The following KDM2B variants were observed in gnomAD, a reference collection of about 807,000 sequenced individuals.
KDM2B encodes the protein lysine-specific demethylase 2B.
A neutral mutation model predicts 150.0 loss-of-function variants in KDM2B; 26 were observed. That is an observed-to-expected ratio of 0.17 (90% CI 0.13 to 0.24). KDM2B has a LOEUF of 0.24. Ranked by LOEUF, KDM2B falls within the 10% of genes least tolerant of loss-of-function variation. The pLI is 1.00. For synonymous variants in KDM2B, 734 were observed against 729.5 expected (o/e 1.01, Z -0.10); for missense variants, 1,265 against 1,816.9 (o/e 0.70, Z 5.52).
At chr12:121,420,405 A>C in the KDM2B span, 1 of 1,550,280 alleles carries the variant, frequency 6.5e-7, no homozygotes, top group African/African-American at 1.4e-5. Flanking sequence ...CCCTGTGGAC[A>C]TTCGCTAGAT....
At chr12:121,536,962 G>A (rs1555308847) in intron 6 of KDM2B, among the ~76,000 whole-genome samples, 1 of 152,226 alleles carries the variant, frequency 6.6e-6, no homozygotes, top group African/African-American at 2.4e-5. Context: ...GCTGCAAGCT[G>A]GCTGCAGTGT....
chr12:121,578,953 G>A lies in KDM2B; in HGVS notation c.127-7C>T. ...GCTGGCGGTCAATCGGGCGCTGCGA[G>A]GACCCAAACCAGAGAGCCCGGGACA... On this transcript the variant is annotated splice_region_variant and splice_polypyrimidine_tract_variant and intron_variant, in intron 1 of 22. Coordinates refer to ENST00000377071, the MANE Select transcript of KDM2B (RefSeq NM_032590.5). The A allele has an allele frequency of 3.1e-6, 5 of 1,610,668 alleles. No individual in the cohort carries two copies. Among genetic ancestry groups the A allele is most frequent in the Non-Finnish European group, 4.2e-6 (5 of 1,178,976 alleles).
intron 22 of KDM2B, among the ~76,000 whole-genome samples, chr12:121,437,645 G>A (rs1284729850): frequency 1.3e-5 from 2 of 152,192 alleles, no homozygotes; most frequent in African/African-American, 4.8e-5. Flanking sequence ...TGGGGTAAAG[G>A]GAAAGGCAGG....
the KDM2B span, chr12:121,423,440 G>A: frequency 6.2e-7 from 1 of 1,613,148 alleles, no homozygotes; most frequent in Non-Finnish European, 8.5e-7. This position sits in a 1 kb window ranked among gnomAD's most constrained non-coding sequence, Gnocchi z 4.3. Context: ...TGTCGCATCT[G>A]CATGGATGCC....
chr12:121,512,060 G>A (rs1015806599), intron 10 of KDM2B, among the ~76,000 whole-genome samples: 45 of 152,042 alleles, frequency 3.0e-4, no homozygotes, highest in African/African-American at 1.1e-3. Context: ...ACCAACCCTC[G>A]GCCTTCTGGC....
At chr12:121,525,336 G>A (rs561513533) in intron 8 of KDM2B, among the ~76,000 whole-genome samples, 22 of 151,996 alleles carry the variant, frequency 1.4e-4, no homozygotes, top group African/African-American at 5.1e-4. Context: ...GTGCCATCTC[G>A]GCTCACTGCA....
Position 121,445,397 on chromosome 12 carries a change from C to CG in KDM2B, c.1980dup (p.Val661ArgfsTer22). The CG allele has an allele frequency of 6.2e-7, 1 of 1,605,356 alleles. No individual in the cohort carries two copies. The highest frequency in any genetic ancestry group is 1.7e-5 in the Admixed American group (1 of 59,000). ...CCCGCCTCGCCACACACAAGGCACA[C>CG]GGCGGTGTGGGGCAGCACTGGCTGA... On this transcript the variant is annotated frameshift_variant, in exon 14 of 23. Transcript: ENST00000377071. LOFTEE classifies it high-confidence loss of function.
chr12:121,442,872 G>A lies in KDM2B; in HGVS notation c.2605-36C>T. On this transcript the variant is annotated intron_variant, in intron 18 of 22. Transcript: ENST00000377071. The surrounding 1 kb of genome is among the most constrained non-coding windows in gnomAD (Gnocchi z 7.7). ...GAGCGGAGACGCGTCAGCCTCTGGGGCTCAGGGCTGCGCCCGCCCAAGGCC... is the reference window on the plus strand; with the variant it reads ...GAGCGGAGACGCGTCAGCCTCTGGGACTCAGGGCTGCGCCCGCCCAAGGCC... 1 of 1,527,884 alleles carries A rather than the reference G, an allele frequency of 6.5e-7. No homozygotes were observed. The highest frequency in any genetic ancestry group is 1.4e-5 in the African/African-American group (1 of 71,912). The allele number at this position is 1,527,884 out of a possible 1,614,324, so 94.6% of individuals were successfully genotyped here.
At chr12:121,484,411 T>C (rs1882519500) in intron 12 of KDM2B, among the ~76,000 whole-genome samples, 1 of 151,756 alleles carries the variant, frequency 6.6e-6, no homozygotes, top group South Asian at 2.1e-4. Flanking sequence ...ATGGAGGAAT[T>C]TGGTTCCCCA....
chr12:121,540,754 CAAAAAAAAAAAAA>C (rs60199948), intron 6 of KDM2B, among the ~76,000 whole-genome samples: 1 of 64,500 alleles, frequency 1.6e-5, no homozygotes, highest in African/African-American at 7.5e-5. Flanking sequence ...GACTCTGTCT[CAAAAAAAAAAAAA>C]AAAAAAAAAA....
intron 12 of KDM2B, among the ~76,000 whole-genome samples, chr12:121,474,240 A>G (rs12300459): frequency 0.077 from 11,655 of 152,244 alleles, 619 homozygotes; most frequent in South Asian, 0.22. Flanking sequence ...ACGGCCGGGC[A>G]CGGTGGCTCA....
rs572286302 is a variant in KDM2B at position 121,451,126 on chromosome 12, T to A, written c.1959+1994A>T. Among the ~76,000 whole-genome samples, 10 of 151,886 alleles carry A rather than the reference T, an allele frequency of 6.6e-5. No individual in the cohort carries two copies. The South Asian group carries it at 1.9e-3, about 29-fold the overall frequency. On this transcript the variant is annotated intron_variant, in intron 13 of 22. Coordinates refer to ENST00000377071, the MANE Select transcript of KDM2B (RefSeq NM_032590.5). ...TCTCCTGCCCCCCCCTTCTACCTCC[T>A]CCATCTCTTCTGCCTCTGCCACCTC...
In KDM2B at chr12:121,575,639, A is replaced by T; in HGVS notation, c.350+142T>A. 1 of 683,150 alleles carries T rather than the reference A, an allele frequency of 1.5e-6. No homozygotes were observed. Among genetic ancestry groups the T allele is most frequent in the Non-Finnish European group, 2.6e-6 (1 of 380,172 alleles). 42.3% of individuals were successfully genotyped at this position (683,150 alleles called of 1,614,324 possible). A position where few individuals can be genotyped will look rare whatever the true frequency, so the allele number is the denominator to read the frequency against. On this transcript the variant is annotated intron_variant, in intron 3 of 22. Coordinates refer to ENST00000377071, the MANE Select transcript of KDM2B (RefSeq NM_032590.5). The surrounding 1 kb of genome is among the most constrained non-coding windows in gnomAD (Gnocchi z 4.4). ...GTTTCCCCTTTGTCAGGCCTTGAAC[A>T]AGGAGATGCTGTTCCCAGATCGTGA...
At position 121,549,421 on chromosome 12, in the gene KDM2B, G is replaced by A. The variant is rs149739149; in HGVS notation, c.576+39C>T. 1.4e-4 allele frequency: 211 copies of A among 1,532,538 alleles called. 5 individuals are homozygous for A. The East Asian group carries it at 4.0e-3, about 29-fold the overall frequency. 94.9% of individuals were successfully genotyped at this position (1,532,538 alleles called of 1,614,324 possible). ...AGGGGGACAGGGAAGGAGATGAGGTGGAAGGTATCTGGGGAGGGTACCTGG... is the reference window on the plus strand; with the variant it reads ...AGGGGGACAGGGAAGGAGATGAGGTAGAAGGTATCTGGGGAGGGTACCTGG... On this transcript the variant is annotated intron_variant, in intron 5 of 22. Transcript: ENST00000377071. The surrounding 1 kb of genome is among the most constrained non-coding windows in gnomAD (Gnocchi z 4.4).
chr12:121,531,025 A>G (rs1887624080), intron 8 of KDM2B, among the ~76,000 whole-genome samples: 1 of 152,146 alleles, frequency 6.6e-6, no homozygotes, highest in Non-Finnish European at 1.5e-5. Context: ...AGAGCCTTCC[A>G]GTCATCCTTT....
In KDM2B at chr12:121,554,033, C is replaced by CACACACA. The variant is rs1889709619; in HGVS notation, c.398-4396_398-4395insTGTGTGT. On this transcript the variant is annotated intron_variant, in intron 4 of 22. Transcript: ENST00000377071. ...TGGGTAATATAGTGACACCCCAGCT[C>CACACACA]CACACACACACACACACACACACAC... Among the ~76,000 whole-genome samples the CACACACA allele has an allele frequency of 3.3e-5, 4 of 122,064 alleles. No homozygotes were observed. In the Admixed American group the frequency reaches 3.6e-4, roughly 11 times the overall value. The allele number at this position is 122,064 out of a possible 152,430, so 80.1% of individuals were successfully genotyped here.
intron 1 of KDM2B, chr12:121,579,881 T>C: frequency 2.1e-6 from 3 of 1,441,976 alleles, no homozygotes; most frequent in Non-Finnish European, 1.9e-6. Context: ...CAATTTATTA[T>C]ATTTTTTTCC....
intron 12 of KDM2B, among the ~76,000 whole-genome samples, chr12:121,474,254 C>A (rs538026190): frequency 1.3e-5 from 2 of 152,200 alleles, no homozygotes; most frequent in African/African-American, 2.4e-5. Flanking sequence ...TGGCTCACAC[C>A]TGTAATCCCA....
rs1555308921 is a variant in KDM2B at position 121,537,366 on chromosome 12, G to C, written c.684-2776C>G. 2.0e-5 allele frequency: 3 copies of C among 152,756 alleles called. No homozygotes were observed. Among genetic ancestry groups the C allele is most frequent in the Middle Eastern group, 3.2e-3 (1 of 316 alleles). The allele number at this position is 152,756 out of a possible 1,614,324, so 9.5% of individuals were successfully genotyped here. A position where few individuals can be genotyped will look rare whatever the true frequency, so the allele number is the denominator to read the frequency against. On this transcript the variant is annotated intron_variant, in intron 6 of 22. Transcript: ENST00000377071. The surrounding 1 kb of genome is among the most constrained non-coding windows in gnomAD (Gnocchi z 8.7). ...AGTCACATGGGCACCCCGGCTCGGTGCCACGGCCGCTAAGCTCTCCCCACG... is the reference window on the plus strand; with the variant it reads ...AGTCACATGGGCACCCCGGCTCGGTCCCACGGCCGCTAAGCTCTCCCCACG...
Sources: allele counts gnomAD v4.1 joint callset (sites outside exome capture counted in the v4.1 genomes callset), GRCh38; gene constraint gnomAD v4.1.1; non-coding constraint Gnocchi (gnomAD v3.1); transcripts MANE v1.5; gene names NCBI Gene and HGNC (gene_info 2026-07-23, HGNC 2026-07-21).